TG: variants seen among roughly 807,000 people sequenced by gnomAD.
The protein encoded by TG is thyroid hormones.
In TG, 270 loss-of-function variants were observed where a neutral mutation model predicts 324.7. The observed-to-expected ratio is 0.83, with a 90% CI of 0.75 to 0.92. The LOEUF is 0.92. TG is among the 40% of genes least tolerant of loss of function. The pLI is 0.00. For synonymous variants in TG, 1,401 were observed against 1,327.0 expected, an observed-to-expected ratio of 1.06 and a Z score of -1.21; for missense variants, 3,591 against 3,456.4, an observed-to-expected ratio of 1.04 and a Z score of -0.98.
chr8:133,048,901 GT>G (rs1839931690), intron 41 of TG: 1 of 213,946 alleles, frequency 4.7e-6, no homozygotes, highest in South Asian at 6.3e-5. Context: ...GGTTATCTCT[GT>G]TTTGCAAGAT....
chr8:133,038,550 A>C (rs1837517253), intron 41 of TG: 1 of 1,613,618 alleles, frequency 6.2e-7, no homozygotes, highest in South Asian at 1.1e-5. Context: ...GGTGGTGATG[A>C]GAAGAATGAG....
At chr8:132,943,423 G>A (rs1176541340) in intron 26 of TG, among the ~76,000 whole-genome samples, 1 of 152,128 alleles carries the variant, frequency 6.6e-6, no homozygotes, top group East Asian at 1.9e-4. Context: ...TGTACTATCT[G>A]CAGAATCATG....
intron 35 of TG, chr8:133,002,949 C>T: frequency 9.9e-7 from 1 of 1,005,918 alleles, no homozygotes. Flanking sequence ...TGCCCATTCC[C>T]TTGATGCCTA....
chr8:133,045,584 G>A (rs566536795), intron 41 of TG, among the ~76,000 whole-genome samples: 1 of 151,910 alleles, frequency 6.6e-6, no homozygotes, highest in South Asian at 2.1e-4. Context: ...TTGTAGAGGT[G>A]CAGTGTTGCT....
chr8:132,938,103 T>C (rs1477858111), intron 25 of TG, among the ~76,000 whole-genome samples: 1 of 152,164 alleles, frequency 6.6e-6, no homozygotes, highest in African/African-American at 2.4e-5. Context: ...GAAACTCAGT[T>C]TCTCCTCTGT....
chr8:132,937,639 A>G (rs1338884329), intron 25 of TG, among the ~76,000 whole-genome samples: 1 of 152,146 alleles, frequency 6.6e-6, no homozygotes, highest in East Asian at 1.9e-4. Context: ...AAACATAGGG[A>G]TTATTTTCTA....
rs762595592 is a variant in TG, at chr8:133,013,719, C to T, written c.6517C>T (p.Arg2173Ter). Residue 2173 changes from arginine to a stop codon, truncating the protein, a stop_gained, in exon 37 of 48, where the codon CGA (arginine) becomes TGA (stop). Coordinates refer to ENST00000220616, the MANE Select transcript of TG (RefSeq NM_003235.5). LOFTEE classifies it high-confidence loss of function. ...CTHSLQGQNC[R>*]LLLREEATHI... ...ACATAGTCTGCAGGGTCAGAACTGCCGACTTCTGCTTCGTGAAGAGGCCAC... is the reference window on the plus strand; with the variant it reads ...ACATAGTCTGCAGGGTCAGAACTGCTGACTTCTGCTTCGTGAAGAGGCCAC... The T allele has an allele frequency of 1.7e-5, 27 of 1,613,460 alleles. No homozygotes were observed. The highest frequency in any genetic ancestry group is 2.7e-5 in the African/African-American group (2 of 74,924).
At position 133,035,538 on chromosome 8, in the gene TG, A is replaced by G. The variant is rs185145878; in HGVS notation, c.7239+5515A>G. 6.8e-4 allele frequency among the ~76,000 whole-genome samples: 104 copies of G among 152,334 alleles called. 2 individuals carry two copies. The highest frequency in any genetic ancestry group is 2.3e-3 in the African/African-American group (95 of 41,584). ...TACTGTATCAATTTCTGAGATTTGT[A>G]TATTAAAATCTCCAAATAAAATTAT... On this transcript the variant is annotated intron_variant, in intron 41 of 47. Transcript: ENST00000220616.
At chr8:132,985,500 C>A (rs1831400765) in intron 35 of TG, among the ~76,000 whole-genome samples, 2 of 152,180 alleles carry the variant, frequency 1.3e-5, no homozygotes, top group Admixed American at 1.3e-4. Context: ...TACCCTTTTA[C>A]AATTTTCCTC....
chr8:132,951,606 T>C lies in TG; in HGVS notation c.5401+2663T>C, dbSNP rs1826110074. Among the ~76,000 whole-genome samples, 4 of 152,312 alleles carry C rather than the reference T, an allele frequency of 2.6e-5. No individual in the cohort carries two copies. In the South Asian group the frequency reaches 8.3e-4, roughly 32 times the overall value. ...AAGACTTTTGAAATGTTTGTTTTTT[T>C]CAGTGCCCTATATGTGTGTGTGTAT... On this transcript the variant is annotated intron_variant, in intron 27 of 47. Coordinates refer to ENST00000220616, the MANE Select transcript of TG (RefSeq NM_003235.5).
At chr8:132,902,301 A>C (rs564251725) in intron 16 of TG, among the ~76,000 whole-genome samples, 8 of 151,886 alleles carry the variant, frequency 5.3e-5, no homozygotes, top group Non-Finnish European at 1.0e-4. Flanking sequence ...CCTTATTCTT[A>C]TTTTCTAATC....
At chr8:132,964,590 C>T (rs1490285113) in intron 29 of TG, 6 of 318,644 alleles carry the variant, frequency 1.9e-5, no homozygotes, top group South Asian at 5.2e-5. Context: ...AGGAAGCCAA[C>T]GAGAGTGATT....
chr8:132,965,812 A>G (rs1242301984), intron 29 of TG, among the ~76,000 whole-genome samples: 2 of 152,244 alleles, frequency 1.3e-5, no homozygotes, highest in South Asian at 2.1e-4. Context: ...GTGATGAGCT[A>G]GAGTTAGCAG....
At chr8:133,043,994 C>G (rs375709246) in intron 41 of TG, among the ~76,000 whole-genome samples, 3 of 152,140 alleles carry the variant, frequency 2.0e-5, no homozygotes, top group Non-Finnish European at 4.4e-5. Context: ...GGCCAGGCAC[C>G]CTCCCCACTT....
rs772110273 is a variant in TG at position 132,949,062 on chromosome 8, A to T, written c.5401+119A>T. On this transcript the variant is annotated intron_variant, in intron 27 of 47. Coordinates refer to ENST00000220616, the MANE Select transcript of TG (RefSeq NM_003235.5). ...GAGGAGCTTATACTTCTGAAAAAAA[A>T]AAAAAAACTTTACCAATCATACTGG... The T allele has an allele frequency of 3.1e-4, 292 of 942,662 alleles. 2 individuals carry two copies. The highest frequency in any genetic ancestry group is 2.6e-3 in the Middle Eastern group (12 of 4,660). 58.4% of individuals were successfully genotyped at this position (942,662 alleles called of 1,614,324 possible).
chr8:133,112,063 A>T (rs1850290025), intron 43 of TG, among the ~76,000 whole-genome samples: 1 of 151,556 alleles, frequency 6.6e-6, no homozygotes, highest in Admixed American at 6.6e-5. Context: ...CCCACCCAAG[A>T]GTGGCTGTGT....
chr8:133,090,774 G>A (rs1847379335), intron 41 of TG, among the ~76,000 whole-genome samples: 1 of 152,172 alleles, frequency 6.6e-6, no homozygotes, highest in South Asian at 2.1e-4. Context: ...GAAAGACAAA[G>A]GAAATTGGCA....
chr8:132,880,591 T>C (rs1587216683), intron 5 of TG, among the ~76,000 whole-genome samples: 1 of 152,330 alleles, frequency 6.6e-6, no homozygotes, highest in East Asian at 1.9e-4. Context: ...AAAAACCTCA[T>C]CCATAATCCT....
At chr8:132,917,671 G>A (rs1820533745) in intron 20 of TG, among the ~76,000 whole-genome samples, 1 of 151,956 alleles carries the variant, frequency 6.6e-6, no homozygotes, top group Non-Finnish European at 1.5e-5. Flanking sequence ...AGGACCAGGT[G>A]CGGGCTTGAG....
Sources: gnomAD v4.1 joint callset for allele counts (sites outside exome capture counted in the v4.1 genomes callset) on GRCh38, gnomAD v4.1.1 for gene constraint, MANE v1.5 for transcripts, NCBI Gene and HGNC (gene_info 2026-07-23, HGNC 2026-07-21) for gene names.